The following AGBL1 variants were observed in gnomAD, a reference collection of about 807,000 sequenced individuals.
AGBL1 encodes the protein AGBL carboxypeptidase 1.
A neutral mutation model predicts 118.9 loss-of-function variants in AGBL1; 130 were observed. That is an observed-to-expected ratio of 1.09 (90% CI 0.95 to 1.26). The LOEUF is 1.26. AGBL1 is among the 50% of genes most tolerant of loss of function. The probability of loss-of-function intolerance (pLI) is 0.00; values close to 1 mark genes in which losing one functional copy is unlikely to be tolerated. For missense variants in AGBL1, 1,584 were observed against 1,298.1 expected, an observed-to-expected ratio of 1.22 and a Z score of -3.38; for synonymous variants, 555 against 478.9, an observed-to-expected ratio of 1.16 and a Z score of -2.08.
chr15:86,641,552 A>G (rs556556225), intron 21 of AGBL1, among the ~76,000 whole-genome samples: 15 of 152,246 alleles, frequency 9.9e-5, no homozygotes, highest in South Asian at 8.3e-4. Context: ...TGTGAATTGT[A>G]TATATTTAAT....
chr15:86,594,091 AT>A (rs960210173), intron 21 of AGBL1, among the ~76,000 whole-genome samples: 3 of 151,284 alleles, frequency 2.0e-5, no homozygotes, highest in African/African-American at 4.9e-5. Context: ...ATGTCTGGCT[AT>A]TTTTTTTATT....
chr15:86,429,107 G>A (rs1304337165), intron 18 of AGBL1, among the ~76,000 whole-genome samples: 1 of 152,180 alleles, frequency 6.6e-6, no homozygotes, highest in East Asian at 1.9e-4. Context: ...ACATTCCAAA[G>A]GGCACCAATT....
intron 24 of AGBL1, among the ~76,000 whole-genome samples, chr15:87,009,141 C>T (rs536818968): frequency 2.0e-4 from 31 of 152,300 alleles, no homozygotes; most frequent in Middle Eastern, 3.4e-3. Flanking sequence ...GCAGCAGCCC[C>T]TCCCATCACA....
intron 23 of AGBL1, among the ~76,000 whole-genome samples, chr15:86,940,855 A>C (rs914409418): frequency 1.2e-4 from 18 of 152,144 alleles, no homozygotes; most frequent in African/African-American, 3.9e-4. Flanking sequence ...AAGAAATATA[A>C]ATTTGAAAGG....
At chr15:86,856,645 C>T (rs1403201672) in intron 22 of AGBL1, among the ~76,000 whole-genome samples, 2 of 152,218 alleles carry the variant, frequency 1.3e-5, no homozygotes, top group Non-Finnish European at 2.9e-5. Context: ...TCCTTCACAG[C>T]AAAGCACAGT....
chr15:86,167,395 A>G (rs2077356740), intron 5 of AGBL1, among the ~76,000 whole-genome samples: 1 of 151,726 alleles, frequency 6.6e-6, no homozygotes, highest in African/African-American at 2.4e-5. Context: ...ACAGGTGCCC[A>G]CCATCATGCC....
At chr15:86,205,680 C>G (rs183084505) in intron 5 of AGBL1, among the ~76,000 whole-genome samples, 4 of 152,266 alleles carry the variant, frequency 2.6e-5, no homozygotes, top group Admixed American at 1.3e-4. Context: ...CATTGTGGTT[C>G]TGATTTGCAT....
In AGBL1 at chr15:86,735,033, ACTC is replaced by A. The variant is rs1312153444; in HGVS notation, c.3158+60598_3158+60600del. ...ACCTTGATATGTTCATAGGCATCAT[ACTC>A]AGTGTGAAATAAAGATGTTGTTTCT... On this transcript the variant is annotated intron_variant, in intron 22 of 22. Transcript: ENST00000614907. 7.2e-3 allele frequency among the ~76,000 whole-genome samples: 1,098 copies of A among 152,004 alleles called. 5 individuals are homozygous for A. The highest frequency in any genetic ancestry group is 0.023 in the African/African-American group (933 of 41,416).
intron 21 of AGBL1, among the ~76,000 whole-genome samples, chr15:86,610,291 A>G (rs1175555852): frequency 7.6e-6 from 1 of 131,650 alleles, no homozygotes; most frequent in Non-Finnish European, 1.8e-5. Context: ...CAGCAGACTG[A>G]GAAAGAGAAA....
intron 17 of AGBL1, among the ~76,000 whole-genome samples, chr15:86,342,295 T>G (rs2080472887): frequency 6.6e-6 from 1 of 152,200 alleles, no homozygotes; most frequent in South Asian, 2.1e-4. Context: ...TTCCTTGACT[T>G]GTATATGTTG....
At chr15:86,842,854 G>A (rs559327557) in intron 22 of AGBL1, among the ~76,000 whole-genome samples, 1 of 152,286 alleles carries the variant, frequency 6.6e-6, no homozygotes, top group East Asian at 1.9e-4. Context: ...CTGCAATTCA[G>A]TCAGAGGTAT....
chr15:86,691,360 C>T (rs550025102), intron 22 of AGBL1, among the ~76,000 whole-genome samples: 1 of 152,152 alleles, frequency 6.6e-6, no homozygotes, highest in African/African-American at 2.4e-5. Context: ...GTTTTTAAAT[C>T]TTCCAACTTG....
intron 21 of AGBL1, among the ~76,000 whole-genome samples, chr15:86,558,808 C>G (rs368549673): frequency 6.6e-6 from 1 of 152,106 alleles, no homozygotes; most frequent in Admixed American, 6.5e-5. Context: ...AACTAGAGAC[C>G]GCAGATCAGA....
At chr15:86,295,977 C>A (rs955244428) in intron 17 of AGBL1, 5 of 153,938 alleles carry the variant, frequency 3.2e-5, no homozygotes, top group African/African-American at 9.7e-5. Flanking sequence ...CACATAGACA[C>A]ATGTAGACAC....
At chr15:86,760,441 A>G (rs2078007522) in intron 22 of AGBL1, among the ~76,000 whole-genome samples, 2 of 152,050 alleles carry the variant, frequency 1.3e-5, no homozygotes, top group East Asian at 3.9e-4. Flanking sequence ...GACCATTAAC[A>G]TTTCTCAATG....
chr15:86,264,452 T>C lies in AGBL1; in HGVS notation c.1281T>C (p.His427=), dbSNP rs1025659602. The change falls in exon 11 of 23, where the codon CAT becomes CAC. Residue 427 remains histidine (H), a synonymous_variant. Transcript: ENST00000614907. ...CRVKTGRSTV[H]LGSKKNPGVN... ...TGAAGACGGGAAGGTCCACTGTGCA[T>C]CTAGGCTCCAAAAAAAATCCTGGAG... 2.5e-6 allele frequency: 4 copies of C among 1,613,982 alleles called. No individual in the cohort carries two copies. The East Asian group carries it at 8.9e-5, about 36-fold the overall frequency.
At chr15:86,828,955 A>C in intron 22 of AGBL1, among the ~76,000 whole-genome samples, 1 of 146,584 alleles carries the variant, frequency 6.8e-6, no homozygotes, top group South Asian at 2.1e-4. Flanking sequence ...GTGTATTTAT[A>C]TGGTATAATA....
chr15:86,901,400 G>C (rs575392631), intron 22 of AGBL1, among the ~76,000 whole-genome samples: 4 of 151,996 alleles, frequency 2.6e-5, no homozygotes, highest in African/African-American at 9.6e-5. Flanking sequence ...GTTATAACTT[G>C]ATTTCATGCC....
chr15:86,527,564 C>T (rs913319373), intron 19 of AGBL1, among the ~76,000 whole-genome samples: 2 of 152,116 alleles, frequency 1.3e-5, no homozygotes, highest in Non-Finnish European at 2.9e-5. Flanking sequence ...GAAGCGCTGC[C>T]ACTCACTCAG....
Sources: allele counts gnomAD v4.1 joint callset (sites outside exome capture counted in the v4.1 genomes callset), GRCh38; gene constraint gnomAD v4.1.1; transcripts MANE v1.5; gene names NCBI Gene and HGNC (gene_info 2026-07-23, HGNC 2026-07-21).